Variants in RBM39 observed in about 807,000 individuals in gnomAD.
RBM39 encodes the protein RNA binding motif protein 39.
A neutral mutation model predicts 79.6 loss-of-function variants in RBM39; 12 were observed. The ratio of observed to expected loss-of-function variants is 0.15; its 90% CI spans 0.10 to 0.24. RBM39 has a LOEUF of 0.24. RBM39 is among the 10% of genes least tolerant of loss of function. The pLI is 1.00. For missense variants in RBM39, 243 were observed against 653.4 expected (o/e 0.37, Z 6.85); for synonymous variants, 185 against 208.4 (o/e 0.89, Z 0.97).
intron 12 of RBM39, among the ~76,000 whole-genome samples, chr20:35,711,827 A>G (rs2036455554): frequency 6.6e-6 from 1 of 152,208 alleles, no homozygotes; most frequent in Admixed American, 6.5e-5. Context: ...TCTCAGTTAC[A>G]GTCTCACTTC....
chr20:35,734,229 A>G (rs1466499295), intron 3 of RBM39: 1 of 1,303,938 alleles, frequency 7.7e-7, no homozygotes, highest in Admixed American at 2.3e-5. Flanking sequence ...AAGGAGATGT[A>G]GAGCTTTCCA....
intron 12 of RBM39, among the ~76,000 whole-genome samples, chr20:35,709,943 G>A (rs2146504889): frequency 6.6e-6 from 1 of 152,206 alleles, no homozygotes; most frequent in South Asian, 2.1e-4. Flanking sequence ...AAGCTATGAA[G>A]TTTAGGAAAA....
At chr20:35,727,948 G>A (rs1169049434) in intron 6 of RBM39, among the ~76,000 whole-genome samples, 1 of 151,816 alleles carries the variant, frequency 6.6e-6, no homozygotes, top group Admixed American at 6.6e-5. Flanking sequence ...CACCACGCCT[G>A]GCCTAATTTT....
At position 35,721,803 on chromosome 20, in the gene RBM39, C is replaced by T. The variant is rs1052407851; in HGVS notation, c.762G>A (p.Val254=). ...CAGTTATGTTGAAGTGTAATGAGCC[C>T]ACATAAAGCCTCATAGGTCCAGCAC... ...KGSAGPMRLY[V]GSLHFNITED... Residue 254 remains valine, a synonymous_variant, in exon 9 of 17, where the codon GTG becomes GTA. Transcript: ENST00000253363. 12 of 1,614,058 alleles carry T rather than the reference C, an allele frequency of 7.4e-6. No individual in the cohort carries two copies. The highest frequency in any genetic ancestry group is 1.7e-5 in the Admixed American group (1 of 60,006).
intron 12 of RBM39, among the ~76,000 whole-genome samples, chr20:35,712,635 C>G (rs2036581470): frequency 6.6e-6 from 1 of 151,860 alleles, no homozygotes; most frequent in Non-Finnish European, 1.5e-5. Context: ...TGTCTCAACA[C>G]TCTTACTACT....
intron 1 of RBM39, among the ~76,000 whole-genome samples, chr20:35,741,272 G>A (rs922281172): frequency 7.9e-5 from 12 of 151,552 alleles, no homozygotes; most frequent in African/African-American, 2.9e-4. Flanking sequence ...AACCTCAAGT[G>A]ATCCGCCTGC....
intron 10 of RBM39, among the ~76,000 whole-genome samples, chr20:35,716,235 G>T (rs1044110968): frequency 6.6e-6 from 1 of 151,956 alleles, no homozygotes; most frequent in African/African-American, 2.4e-5. Flanking sequence ...CACCATGCTT[G>T]GCTAATTTTT....
At chr20:35,737,337 C>G (rs2040035982) in intron 3 of RBM39, among the ~76,000 whole-genome samples, 1 of 149,322 alleles carries the variant, frequency 6.7e-6, no homozygotes, top group African/African-American at 2.5e-5. Context: ...TTGCAGTGAG[C>G]CAAGACTGCG....
chr20:35,720,043 A>C (rs1309605875), intron 9 of RBM39: 1 of 236,476 alleles, frequency 4.2e-6, no homozygotes, highest in South Asian at 3.5e-5. Context: ...TCGGCCTCCC[A>C]AACAAAGAGA....
intron 3 of RBM39, among the ~76,000 whole-genome samples, chr20:35,738,425 CCT>C (rs1290058260): frequency 2.0e-5 from 3 of 152,176 alleles, no homozygotes; most frequent in Non-Finnish European, 4.4e-5. Context: ...AAATCCCCAC[CCT>C]GTTAAGTCTA....
intron 8 of RBM39, among the ~76,000 whole-genome samples, chr20:35,724,019 C>A (rs1375648320): frequency 6.6e-6 from 1 of 151,914 alleles, no homozygotes; most frequent in Non-Finnish European, 1.5e-5. Flanking sequence ...CCAGCCCTGG[C>A]AACAGAAGTG....
In RBM39 at chr20:35,705,321, T is replaced by C. The variant is rs1410284076; in HGVS notation, c.1317A>G (p.Glu439=). 7 of 1,578,288 alleles carry C rather than the reference T, an allele frequency of 4.4e-6. No individual in the cohort carries two copies. In the East Asian group the frequency reaches 1.4e-4, roughly 31 times the overall value. The change falls in exon 15 of 17, where the codon GAA becomes GAG. Residue 439 remains glutamate, a synonymous_variant. Coordinates refer to ENST00000253363, the MANE Select transcript of RBM39 (RefSeq NM_184234.3). ...SNMFNPQTEE[E]VGWDTEIKDD... is the part of the protein sequence containing the mutation. ...CCTTAATCTCGGTATCCCATCCAAC[T>C]TCTTCTTCTCTGTAAGAAAGTATTA...
At chr20:35,733,903 A>G (rs1188834926) in intron 3 of RBM39, among the ~76,000 whole-genome samples, 1 of 152,200 alleles carries the variant, frequency 6.6e-6, no homozygotes, top group Non-Finnish European at 1.5e-5. Flanking sequence ...TAAATCTTAT[A>G]ATCTATACCT....
chr20:35,722,404 C>T (rs1158513223), intron 8 of RBM39, among the ~76,000 whole-genome samples: 100 of 129,762 alleles, frequency 7.7e-4, no homozygotes, highest in South Asian at 1.7e-3. Flanking sequence ...GAGACTCAGT[C>T]TCAAAAAAAA....
chr20:35,719,742 T>C (rs1314858109), intron 9 of RBM39, among the ~76,000 whole-genome samples: 4 of 152,166 alleles, frequency 2.6e-5, no homozygotes, highest in Non-Finnish European at 4.4e-5. Context: ...AAATATCAAC[T>C]GTTTCCTGAT....
chr20:35,739,458 T>G, intron 2 of RBM39: 1 of 471,306 alleles, frequency 2.1e-6, no homozygotes, highest in South Asian at 1.5e-5. Context: ...CGATTTCCTG[T>G]GACCGATGCC....
chr20:35,741,036 T>TTTTTTTTTC, intron 1 of RBM39, 149 bp from the exon 2 acceptor site: 5 of 393,824 alleles, frequency 1.3e-5, no homozygotes, highest in Non-Finnish European at 2.1e-5. Flanking sequence ...TTTTCTTTTT[T>TTTTTTTTTC]TTTTTTTTTT....
At chr20:35,737,805 C>T (rs1353155073) in intron 3 of RBM39, among the ~76,000 whole-genome samples, 4 of 135,562 alleles carry the variant, frequency 3.0e-5, no homozygotes, top group Admixed American at 2.3e-4. Flanking sequence ...GCAGAGATCA[C>T]ACCACTGCAC....
chr20:35,721,999 C>A, intron 8 of RBM39, 122 bp from the exon 9 acceptor site: 1 of 1,091,456 alleles, frequency 9.2e-7, no homozygotes, highest in South Asian at 1.6e-5. Context: ...CTACGTAAGT[C>A]AGATACTACA....
Sources: allele counts gnomAD v4.1 joint callset (sites outside exome capture counted in the v4.1 genomes callset), GRCh38; gene constraint gnomAD v4.1.1; transcripts MANE v1.5; gene names NCBI Gene and HGNC (gene_info 2026-07-23, HGNC 2026-07-21).